Variants in AVPI1 observed in about 807,000 individuals in gnomAD.
AVPI1 encodes arginine vasopressin-induced protein 1.
AVPI1 carries 9 observed loss-of-function variants against 11.9 expected under a neutral mutation model. That is an observed-to-expected ratio of 0.76 (90% CI 0.46 to 1.32). The LOEUF (loss-of-function observed/expected upper bound fraction) is 1.32, where lower values mean the gene tolerates loss of function less well. Ranked by LOEUF, AVPI1 falls within the 40% of genes most tolerant of loss-of-function variation. AVPI1 has a pLI of 0.00. For synonymous variants in AVPI1, 68 were observed against 78.1 expected, an observed-to-expected ratio of 0.87 and a Z score of 0.68; for missense variants, 207 against 195.8, an observed-to-expected ratio of 1.06 and a Z score of -0.34.
chr10:97,681,894 G>GAAAAAAAAAAAAAA (rs555725587), intron 1 of AVPI1, among the ~76,000 whole-genome samples: 4 of 106,236 alleles, frequency 3.8e-5, no homozygotes, highest in African/African-American at 6.9e-5. Context: ...CAAAAAAAAA[G>GAAAAAAAAAAAAAA]AAAAAAAAAA....
At position 97,679,833 on chromosome 10, in the gene AVPI1, G is replaced by A; in HGVS notation, c.73C>T (p.Gln25Ter). The change falls in exon 2 of 3, where the codon CAG (glutamine) becomes TAG (stop). Residue 25 changes from glutamine to a stop codon, truncating the protein, a stop_gained. Coordinates refer to ENST00000370626, the MANE Select transcript of AVPI1 (RefSeq NM_021732.3). LOFTEE classifies it high-confidence loss of function. ...QAPIEARGRKQASANIFQDAE... is the reference protein window; with the variant it reads ...QAPIEARGRK Reference sequence around the variant, plus strand: ...TCCTGGAAGATGTTGGCCGAGGCCTGCTTGCGGCCCCGGGCCTCAATCGGG... The same window carrying A: ...TCCTGGAAGATGTTGGCCGAGGCCTACTTGCGGCCCCGGGCCTCAATCGGG... The A allele has an allele frequency of 6.2e-7, 1 of 1,609,856 alleles. No homozygotes were observed. The highest frequency in any genetic ancestry group is 8.5e-7 in the Non-Finnish European group (1 of 1,178,820).
chr10:97,678,770 C>G (rs911104394), intron 2 of AVPI1, among the ~76,000 whole-genome samples: 7 of 152,022 alleles, frequency 4.6e-5, no homozygotes, highest in African/African-American at 1.7e-4. Context: ...TTACTGCAGC[C>G]TCAAACTCCT....
intron 1 of AVPI1, among the ~76,000 whole-genome samples, chr10:97,685,775 A>C (rs538630329): frequency 6.6e-6 from 1 of 152,152 alleles, no homozygotes; most frequent in African/African-American, 2.4e-5. Flanking sequence ...AGACAACTGG[A>C]TATACATTGG....
chr10:97,679,134 C>T (rs1185925353), intron 2 of AVPI1, among the ~76,000 whole-genome samples: 1 of 141,834 alleles, frequency 7.1e-6, no homozygotes, highest in Admixed American at 7.3e-5. Flanking sequence ...CCAAAAGTAA[C>T]AGCAATCTTT....
At position 97,679,665 on chromosome 10, in the gene AVPI1, T is replaced by C. The variant is rs747229970; in HGVS notation, c.241A>G (p.Arg81Gly). 2 of 1,613,954 alleles carry C rather than the reference T, an allele frequency of 1.2e-6. No individual in the cohort carries two copies. The highest frequency in any genetic ancestry group is 8.5e-7 in the Non-Finnish European group (1 of 1,179,956). Residue 81 changes from arginine (R) to glycine (G), a missense_variant, in exon 2 of 3, where the codon AGG becomes GGG. Arg to Gly is a moderately radical substitution (Grantham distance 125, BLOSUM62 -2). Transcript: ENST00000370626. Reference sequence around the variant, plus strand: ...AGCGAGTGGCCCAGGGGTTTCTGCCTTGGGGGCCTCTTCCTGCGCAGCCTC... The same window carrying C: ...AGCGAGTGGCCCAGGGGTTTCTGCCCTGGGGGCCTCTTCCTGCGCAGCCTC... ...LKRLRRKRPP[R>G]QKPLGHSLHH...
chr10:97,677,861 T>C lies in AVPI1; in HGVS notation c.*8A>G. 2 of 1,613,888 alleles carry C rather than the reference T, an allele frequency of 1.2e-6. No homozygotes were observed. The highest frequency in any genetic ancestry group is 2.2e-5 in the East Asian group (1 of 44,878). Reference sequence around the variant, plus strand: ...GAAGACACTGCCATTCCTGGCTCTTTCCCTGGATCAGTGTCTGATCTGGTG... The same window carrying C: ...GAAGACACTGCCATTCCTGGCTCTTCCCCTGGATCAGTGTCTGATCTGGTG... On this transcript the variant is annotated 3_prime_UTR_variant, in exon 3 of 3. Transcript: ENST00000370626.
intron 2 of AVPI1, among the ~76,000 whole-genome samples, chr10:97,679,400 C>T (rs754806851): frequency 9.9e-5 from 15 of 152,130 alleles, no homozygotes; most frequent in Non-Finnish European, 2.2e-4. Context: ...GCCTCGGCCT[C>T]CCAAAGTGCT....
Position 97,679,795 on chromosome 10 carries a change from C to T in AVPI1, c.111G>A (p.Leu37=). 1 of 1,613,788 alleles carries T rather than the reference C, an allele frequency of 6.2e-7. No individual in the cohort carries two copies. The highest frequency in any genetic ancestry group is 1.1e-5 in the South Asian group (1 of 91,034). Residue 37 remains leucine, a synonymous_variant, in exon 2 of 3, where the codon CTG becomes CTA. Coordinates refer to ENST00000370626, the MANE Select transcript of AVPI1 (RefSeq NM_021732.3). ...TGCGTTGAAACAGGGCTTGGATCTG[C>T]AGCAGCTCGGCGTCCTGGAAGATGT... is the stretch of plus-strand genomic sequence containing the variant. ...SANIFQDAEL[L]QIQALFQRSG...
chr10:97,677,819 G>A lies in AVPI1; in HGVS notation c.*50C>T. 6.2e-7 allele frequency: 1 copy of A among 1,604,446 alleles called. No individual in the cohort carries two copies. The highest frequency in any genetic ancestry group is 8.5e-7 in the Non-Finnish European group (1 of 1,173,930). ...AAGTCTCTCTTCCTTCACCTCCCCA[G>A]GCCTTTTGGCAAGAGGGAAGACACT... is the stretch of plus-strand genomic sequence containing the variant. On this transcript the variant is annotated 3_prime_UTR_variant, in exon 3 of 3. Coordinates refer to ENST00000370626, the MANE Select transcript of AVPI1 (RefSeq NM_021732.3).
rs2041694102 is a variant in AVPI1 at position 97,679,816 on chromosome 10, G to T, written c.90C>A (p.Ile30=). 1.2e-6 allele frequency: 2 copies of T among 1,612,432 alleles called. No homozygotes were observed. The highest frequency in any genetic ancestry group is 4.5e-5 in the East Asian group (2 of 44,834). ...ARGRKQASAN[I]FQDAELLQIQ... is the part of the protein sequence containing the mutation. ...TCTGCAGCAGCTCGGCGTCCTGGAA[G>T]ATGTTGGCCGAGGCCTGCTTGCGGC... The change falls in exon 2 of 3, where the codon ATC becomes ATA. Residue 30 remains isoleucine, a synonymous_variant. Coordinates refer to ENST00000370626, the MANE Select transcript of AVPI1 (RefSeq NM_021732.3).
Position 97,679,662 on chromosome 10 carries a change from G to A in AVPI1, c.244C>T (p.Gln82Ter), listed in dbSNP as rs1444599804. The A allele has an allele frequency of 6.2e-7, 1 of 1,613,726 alleles. No individual in the cohort carries two copies. The highest frequency in any genetic ancestry group is 8.5e-7 in the Non-Finnish European group (1 of 1,179,894). The change falls in exon 2 of 3, where the codon CAG becomes TAG. Residue 82 changes from glutamine (Q) to a stop codon, truncating the protein, a stop_gained. Transcript: ENST00000370626. LOFTEE classifies it high-confidence loss of function. ...KRLRRKRPPR[Q>*]KPLGHSLHHC... ...TGTAGCGAGTGGCCCAGGGGTTTCT[G>A]CCTTGGGGGCCTCTTCCTGCGCAGC...
intron 1 of AVPI1, among the ~76,000 whole-genome samples, chr10:97,681,884 C>CAA (rs1171672735): frequency 5.6e-5 from 2 of 35,880 alleles, no homozygotes; most frequent in South Asian, 9.6e-4. Flanking sequence ...GACTCCGTCT[C>CAA]AAAAAAAAAG....
intron 2 of AVPI1, among the ~76,000 whole-genome samples, chr10:97,678,956 TG>T (rs1564779940): frequency 5.0e-5 from 3 of 60,218 alleles, no homozygotes; most frequent in South Asian, 1.1e-3. Context: ...TGTGTGTGTG[TG>T]TGTGTGTGTG....
rs1589941864 is a variant in AVPI1 at position 97,677,674 on chromosome 10, G to T, written c.*195C>A. ...AACAGTCACTGTCTCTCCTCATTTT[G>T]GTGAGGAATGGGTCCCACATAATGG... is the stretch of plus-strand genomic sequence containing the variant. On this transcript the variant is annotated 3_prime_UTR_variant, in exon 3 of 3. Coordinates refer to ENST00000370626, the MANE Select transcript of AVPI1 (RefSeq NM_021732.3). 1 of 586,818 alleles carries T rather than the reference G, an allele frequency of 1.7e-6. No homozygotes were observed. Among genetic ancestry groups the T allele is most frequent in the Non-Finnish European group, 3.0e-6 (1 of 337,144 alleles). The allele number at this position is 586,818 out of a possible 1,614,324, so 36.4% of individuals were successfully genotyped here.
At chr10:97,678,677 T>G in intron 2 of AVPI1, among the ~76,000 whole-genome samples, 1 of 113,068 alleles carries the variant, frequency 8.8e-6, no homozygotes, top group East Asian at 2.2e-4. Flanking sequence ...AAGATTTTAA[T>G]TAGGCTTAAA....
chr10:97,684,024 G>A (rs2041717385), intron 1 of AVPI1, among the ~76,000 whole-genome samples: 1 of 152,310 alleles, frequency 6.6e-6, no homozygotes, highest in African/African-American at 2.4e-5. Flanking sequence ...GTGTGGACAG[G>A]TCTGGCTAAC....
intron 1 of AVPI1, among the ~76,000 whole-genome samples, chr10:97,683,766 C>G (rs771607941): frequency 5.3e-5 from 8 of 152,242 alleles, no homozygotes; most frequent in Non-Finnish European, 1.0e-4. Context: ...CAGCCCAGTG[C>G]ACAGAGCCCT....
chr10:97,677,945 C>G lies in AVPI1; in HGVS notation c.368G>C (p.Arg123Thr). 1 of 1,614,116 alleles carries G rather than the reference C, an allele frequency of 6.2e-7. No homozygotes were observed. The highest frequency in any genetic ancestry group is 8.5e-7 in the Non-Finnish European group (1 of 1,180,002). The change falls in exon 3 of 3, where the codon AGG becomes ACG. Residue 123 changes from arginine (R) to threonine (T), a missense_variant. Arg to Thr is a moderately conservative substitution (Grantham distance 71, BLOSUM62 -1). Transcript: ENST00000370626. ...TASSEQYLHSRKKSARIRRNW... is the reference protein window; with the variant it reads ...TASSEQYLHSTKKSARIRRNW... ...CCGGCGGATCCTGGCACTTTTCTTCCTAGAGTGCAGATACTGCTCACTGGA... is the reference window on the plus strand; with the variant it reads ...CCGGCGGATCCTGGCACTTTTCTTCGTAGAGTGCAGATACTGCTCACTGGA...
At chr10:97,678,099 T>C in intron 2 of AVPI1, 74 bp from the exon 3 acceptor site, 2 of 1,490,014 alleles carry the variant, frequency 1.3e-6, no homozygotes, top group Non-Finnish European at 1.8e-6. Flanking sequence ...GATTTCGTCA[T>C]GGTGGACCAT....
Sources: allele counts gnomAD v4.1 joint callset (sites outside exome capture counted in the v4.1 genomes callset), GRCh38; gene constraint gnomAD v4.1.1; transcripts MANE v1.5; gene names NCBI Gene and HGNC (gene_info 2026-07-23, HGNC 2026-07-21).